Variants in ASPRV1 observed in about 807,000 individuals in gnomAD.
ASPRV1 encodes the protein retroviral-like aspartic protease 1.
Under a neutral mutation model 11.0 loss-of-function variants are expected in ASPRV1, and 7 were observed. The ratio of observed to expected loss-of-function variants is 0.64; its 90% CI spans 0.36 to 1.20. The LOEUF (loss-of-function observed/expected upper bound fraction) is 1.20. Among genes scored for constraint, ASPRV1 ranks in the 50% most tolerant of loss-of-function variants. The pLI, the probability that ASPRV1 is intolerant of heterozygous loss-of-function variation, is 0.02. For synonymous variants in ASPRV1, 136 were observed against 138.4 expected, an observed-to-expected ratio of 0.98 and a Z score of 0.12; for missense variants, 299 against 320.0, an observed-to-expected ratio of 0.93 and a Z score of 0.50.
the ASPRV1 span, among the ~76,000 whole-genome samples, chr2:69,992,239 T>A: frequency 6.6e-6 from 1 of 152,240 alleles, no homozygotes; most frequent in Non-Finnish European, 1.5e-5. Flanking sequence ...TTCTCTCTAC[T>A]CGGCGTCTTC....
the ASPRV1 span, chr2:69,937,344 T>G: frequency 6.2e-7 from 1 of 1,614,044 alleles, no homozygotes; most frequent in African/African-American, 1.3e-5. Context: ...AGGATCCGGA[T>G]GGACAGCATC....
At chr2:70,034,265 G>A in the ASPRV1 span, among the ~76,000 whole-genome samples, 2 of 150,732 alleles carry the variant, frequency 1.3e-5, no homozygotes, top group Non-Finnish European at 2.9e-5. Flanking sequence ...TTGTTGCCCA[G>A]GCTGGAGTGC....
chr2:70,003,899 C>T, the ASPRV1 span, among the ~76,000 whole-genome samples: 2 of 152,196 alleles, frequency 1.3e-5, no homozygotes, highest in African/African-American at 2.4e-5. Flanking sequence ...CCACTCTTTT[C>T]GCCTTTCCAC....
chr2:69,970,601 C>G, the ASPRV1 span, among the ~76,000 whole-genome samples: 6 of 152,174 alleles, frequency 3.9e-5, no homozygotes, highest in African/African-American at 1.4e-4. Flanking sequence ...CCCTAGCAAA[C>G]TCAGGGTCTC....
the ASPRV1 span, among the ~76,000 whole-genome samples, chr2:69,994,852 A>T: frequency 9.3e-5 from 14 of 150,062 alleles, no homozygotes; most frequent in Non-Finnish European, 1.6e-4. Context: ...AAAAAAAAAA[A>T]TTAGCTGGGC....
chr2:69,941,562 T>C, the ASPRV1 span: 1 of 152,222 alleles, frequency 6.6e-6, no homozygotes, highest in East Asian at 1.9e-4. Context: ...AGTTGGCCAC[T>C]TGAGTGTTTT....
At chr2:69,996,643 C>T in the ASPRV1 span, 2 of 445,604 alleles carry the variant, frequency 4.5e-6, no homozygotes, top group African/African-American at 2.0e-5. Flanking sequence ...ATTCTAAATG[C>T]AAATGCTTCT....
chr2:70,037,541 G>A, the ASPRV1 span, among the ~76,000 whole-genome samples: 1 of 152,036 alleles, frequency 6.6e-6, no homozygotes, highest in African/African-American at 2.4e-5. Flanking sequence ...CAGGCATGAG[G>A]CACTGCGCCT....
At chr2:69,941,449 G>A in the ASPRV1 span, 1 of 152,196 alleles carries the variant, frequency 6.6e-6, no homozygotes, top group Non-Finnish European at 1.5e-5. Flanking sequence ...GATTCAAAAT[G>A]CATCACATTT....
the ASPRV1 span, among the ~76,000 whole-genome samples, chr2:69,998,500 G>C: frequency 1.3e-5 from 2 of 152,152 alleles, no homozygotes; most frequent in Admixed American, 6.5e-5. Flanking sequence ...CCAGCACTTT[G>C]GGAGGCTGAG....
At chr2:70,086,798 G>A in the ASPRV1 span, among the ~76,000 whole-genome samples, 1 of 152,256 alleles carries the variant, frequency 6.6e-6, no homozygotes, top group African/African-American at 2.4e-5. Context: ...ATTCTTTTTA[G>A]GACCACGTTT....
downstream of ASPRV1, among the ~76,000 whole-genome samples, chr2:69,958,020 G>C (rs904540260): frequency 5.3e-5 from 8 of 152,148 alleles, no homozygotes; most frequent in African/African-American, 1.9e-4. Context: ...CGCCCACTGT[G>C]GGAGGCAGGT....
chr2:70,000,788 C>CAAAAAAAAAAAAAAAAAA, the ASPRV1 span, among the ~76,000 whole-genome samples: 19 of 42,038 alleles, frequency 4.5e-4, 1 homozygote, highest in East Asian at 1.4e-3. Flanking sequence ...GACCCTGCCT[C>CAAAAAAAAAAAAAAAAAA]AAAAAAAAAA....
At chr2:70,065,818 T>G in the ASPRV1 span, among the ~76,000 whole-genome samples, 2 of 8,922 alleles carry the variant, frequency 2.2e-4, no homozygotes, top group Admixed American at 2.1e-3. Context: ...GGCTTTTGAC[T>G]CAAAAAAAAA....
chr2:70,015,577 A>T, the ASPRV1 span: 63 of 152,358 alleles, frequency 4.1e-4, no homozygotes, highest in African/African-American at 1.4e-3. Flanking sequence ...ACACCAAGGG[A>T]CAACTGTAAA....
the ASPRV1 span, among the ~76,000 whole-genome samples, chr2:70,002,423 G>T: frequency 6.6e-6 from 1 of 152,202 alleles, no homozygotes; most frequent in Non-Finnish European, 1.5e-5. Flanking sequence ...GCCTAAGAAA[G>T]AATGTGTCAC....
chr2:70,027,344 C>T, the ASPRV1 span, among the ~76,000 whole-genome samples: 8 of 150,510 alleles, frequency 5.3e-5, no homozygotes, highest in African/African-American at 2.0e-4. Context: ...TATGAAAGTT[C>T]CTCAAGAAAC....
downstream of ASPRV1, among the ~76,000 whole-genome samples, chr2:69,956,879 T>G (rs1677952409): frequency 6.6e-6 from 1 of 152,130 alleles, no homozygotes; most frequent in Non-Finnish European, 1.5e-5. Flanking sequence ...TCACCACAAC[T>G]GAACATCAGA....
chr2:70,048,425 A>G, the ASPRV1 span, among the ~76,000 whole-genome samples: 36 of 151,888 alleles, frequency 2.4e-4, no homozygotes, highest in Non-Finnish European at 4.4e-4. Flanking sequence ...AAAAGAAAAA[A>G]AAAAAAGAAA....
Sources: gnomAD v4.1 joint callset for allele counts (sites outside exome capture counted in the v4.1 genomes callset) on GRCh38, gnomAD v4.1.1 for gene constraint, MANE v1.5 for transcripts, NCBI Gene and HGNC (gene_info 2026-07-23, HGNC 2026-07-21) for gene names.